SUGCT: variants seen among roughly 807,000 people sequenced by gnomAD.
SUGCT encodes succinyl-CoA:glutarate CoA-transferase.
In SUGCT, 41 loss-of-function variants were observed where a neutral mutation model predicts 55.0. That is an observed-to-expected ratio of 0.74 (90% confidence interval 0.58 to 0.97). SUGCT has a LOEUF of 0.97. Ranked by LOEUF, SUGCT falls within the 50% of genes least tolerant of loss-of-function variation. The probability of loss-of-function intolerance (pLI) is 0.00; values close to 1 mark genes in which losing one functional copy is unlikely to be tolerated. For synonymous variants in SUGCT, 187 were observed against 200.4 expected (o/e 0.93, Z 0.56); for missense variants, 568 against 547.8 (o/e 1.04, Z -0.37).
chr7:40,719,582 T>C (rs1037772027), intron 12 of SUGCT, among the ~76,000 whole-genome samples: 3 of 152,024 alleles, frequency 2.0e-5, no homozygotes, highest in African/African-American at 7.3e-5. Flanking sequence ...TTTTCAGAAC[T>C]GAAAACCAGG....
intron 8 of SUGCT, among the ~76,000 whole-genome samples, chr7:40,304,208 T>G (rs1166682988): frequency 1.3e-5 from 2 of 152,070 alleles, no homozygotes; most frequent in Non-Finnish European, 2.9e-5. Context: ...CTTCCCAGAA[T>G]GAATCACTCC....
At chr7:40,482,613 G>A (rs1791114635) in intron 11 of SUGCT, among the ~76,000 whole-genome samples, 2 of 152,112 alleles carry the variant, frequency 1.3e-5, no homozygotes, top group South Asian at 4.1e-4. Context: ...GTGACCAGAC[G>A]TCGGTAATGT....
At chr7:40,268,898 A>T (rs1249533914) in intron 7 of SUGCT, among the ~76,000 whole-genome samples, 1 of 152,162 alleles carries the variant, frequency 6.6e-6, no homozygotes, top group Non-Finnish European at 1.5e-5. Flanking sequence ...CAGGCTCCCA[A>T]AGTGCTGGGA....
At chr7:40,368,616 C>T (rs1784130742) in intron 9 of SUGCT, among the ~76,000 whole-genome samples, 1 of 152,188 alleles carries the variant, frequency 6.6e-6, no homozygotes, top group African/African-American at 2.4e-5. Context: ...TACAAAGCAT[C>T]TTCATTGAAC....
chr7:40,415,061 A>AATCTATCT lies in SUGCT; in HGVS notation c.817-34179_817-34172dup, dbSNP rs58954731. Among the ~76,000 whole-genome samples the AATCTATCT allele has an allele frequency of 4.1e-4, 26 of 63,618 alleles. 2 individuals carry two copies. Among genetic ancestry groups the AATCTATCT allele is most frequent in the African/African-American group, 1.1e-3 (16 of 14,356 alleles). 41.7% of individuals were successfully genotyped at this position (63,618 alleles called of 152,430 possible). A position where few individuals can be genotyped will look rare whatever the true frequency, so the allele number is the denominator to read the frequency against. On this transcript the variant is annotated intron_variant, in intron 9 of 13. Coordinates refer to ENST00000335693, the MANE Select transcript of SUGCT (RefSeq NM_001193313.2). ...CTCTGTCACAAAAAAAAAAAAAAAA[A>AATCTATCT]ATCTATCTATCTATCTATCTATCTA...
intron 1 of SUGCT, among the ~76,000 whole-genome samples, chr7:40,180,016 A>G (rs1233703615): frequency 6.6e-6 from 1 of 152,176 alleles, no homozygotes; most frequent in Non-Finnish European, 1.5e-5. Flanking sequence ...TGCTTTGCCT[A>G]TCAGTTTACC....
At chr7:40,202,113 CA>C (rs1220542980) in intron 6 of SUGCT, among the ~76,000 whole-genome samples, 1 of 152,108 alleles carries the variant, frequency 6.6e-6, no homozygotes, top group Non-Finnish European at 1.5e-5. Context: ...GCTGGGACTA[CA>C]GGTGCATGCC....
At chr7:40,550,602 G>A (rs777161613) in intron 12 of SUGCT, among the ~76,000 whole-genome samples, 3 of 152,154 alleles carry the variant, frequency 2.0e-5, no homozygotes, top group Non-Finnish European at 4.4e-5. Flanking sequence ...ATAACCAAAA[G>A]CATTTATTTC....
At chr7:40,995,832 G>T in the SUGCT span, among the ~76,000 whole-genome samples, 1 of 152,084 alleles carries the variant, frequency 6.6e-6, no homozygotes, top group Non-Finnish European at 1.5e-5. Context: ...TCTCCTTCAG[G>T]CAGAATGCTT....
chr7:40,730,479 A>G (rs1372860569), intron 12 of SUGCT, among the ~76,000 whole-genome samples: 1 of 152,226 alleles, frequency 6.6e-6, no homozygotes, highest in Non-Finnish European at 1.5e-5. Context: ...TGGAATATGC[A>G]TAAATTGTGT....
the SUGCT span, among the ~76,000 whole-genome samples, chr7:40,941,297 G>T: frequency 6.6e-6 from 1 of 151,898 alleles, no homozygotes; most frequent in Non-Finnish European, 1.5e-5. Flanking sequence ...TCATTTTGAA[G>T]AATTTTAAAT....
chr7:40,601,795 CAA>C (rs1045241747), intron 12 of SUGCT, among the ~76,000 whole-genome samples: 4 of 151,648 alleles, frequency 2.6e-5, no homozygotes, highest in African/African-American at 9.7e-5. Flanking sequence ...ATGTGTGGCC[CAA>C]GATACTTCTT....
At chr7:40,585,485 T>C (rs2151720682) in intron 12 of SUGCT, among the ~76,000 whole-genome samples, 1 of 152,326 alleles carries the variant, frequency 6.6e-6, no homozygotes, top group African/African-American at 2.4e-5. Flanking sequence ...CATCGTTTTG[T>C]GATTCTGTAG....
chr7:40,273,802 A>G (rs997455123), intron 7 of SUGCT, among the ~76,000 whole-genome samples: 2 of 152,176 alleles, frequency 1.3e-5, no homozygotes, highest in African/African-American at 2.4e-5. Context: ...AATGAAATAT[A>G]TGAGTTATTA....
intron 9 of SUGCT, among the ~76,000 whole-genome samples, chr7:40,387,186 G>A (rs146530593): frequency 3.3e-5 from 5 of 152,224 alleles, no homozygotes; most frequent in Non-Finnish European, 4.4e-5. Flanking sequence ...TGGGTTATTC[G>A]ATAGCAATAA....
chr7:40,978,488 G>A, the SUGCT span, among the ~76,000 whole-genome samples: 1 of 152,136 alleles, frequency 6.6e-6, no homozygotes, highest in Non-Finnish European at 1.5e-5. Flanking sequence ...AGACAGATGT[G>A]GTCCCCGTGC....
chr7:40,963,424 T>G, the SUGCT span, among the ~76,000 whole-genome samples: 1 of 152,214 alleles, frequency 6.6e-6, no homozygotes, highest in Non-Finnish European at 1.5e-5. Flanking sequence ...AAACTCCAAT[T>G]GATACTTTTT....
Position 40,581,714 on chromosome 7 carries a change from G to C in SUGCT, c.1089+85328G>C, listed in dbSNP as rs975864346. Among the ~76,000 whole-genome samples, 3 of 152,194 alleles carry C rather than the reference G, an allele frequency of 2.0e-5. No homozygotes were observed. The South Asian group carries it at 6.2e-4, about 32-fold the overall frequency. ...AAATAAAAAATAGGAACACCCATAG[G>C]CTAGAATATTTAAATAATTTCTGCA... On this transcript the variant is annotated intron_variant, in intron 12 of 13. Coordinates refer to ENST00000335693, the MANE Select transcript of SUGCT (RefSeq NM_001193313.2).
intron 8 of SUGCT, among the ~76,000 whole-genome samples, chr7:40,300,032 T>C (rs948592283): frequency 2.0e-5 from 3 of 152,168 alleles, no homozygotes; most frequent in Admixed American, 6.5e-5. Flanking sequence ...TTTGTGTTAG[T>C]GAAAGATGGA....
Sources: gnomAD v4.1 joint callset for allele counts (sites outside exome capture counted in the v4.1 genomes callset) on GRCh38, gnomAD v4.1.1 for gene constraint, MANE v1.5 for transcripts, NCBI Gene and HGNC (gene_info 2026-07-23, HGNC 2026-07-21) for gene names.